Variants in RBBP5 observed in about 807,000 individuals in gnomAD.
RBBP5 encodes the protein RB binding protein 5, histone lysine methyltransferase complex subunit.
A neutral mutation model predicts 72.2 loss-of-function variants in RBBP5; 5 were observed. The observed-to-expected ratio is 0.07, with a 90% CI of 0.04 to 0.15. RBBP5 has a LOEUF of 0.15. Ranked by LOEUF, RBBP5 falls within the 10% of genes least tolerant of loss-of-function variation. RBBP5 has a pLI of 1.00. For synonymous variants in RBBP5, 209 were observed against 237.2 expected (o/e 0.88, Z 1.09); for missense variants, 322 against 652.2 (o/e 0.49, Z 5.51).
Position 205,101,670 on chromosome 1 carries a change from A to T in RBBP5, c.562T>A (p.Ser188Thr). Residue 188 changes from serine (S) to threonine (T), a missense_variant, in exon 6 of 14, where the codon TCC becomes ACC. By Grantham distance (58) the Ser-to-Thr change is moderately conservative. This residue lies in a region of RBBP5 where 161 missense variants were observed against 327.8 expected (regional missense o/e 0.49). Transcript: ENST00000264515. ...CTTGTTCCAGTTGTCACTCTGAAGGAAGCAACAAGATCCTGAGAATCTGTT... is the reference window on the plus strand; with the variant it reads ...CTTGTTCCAGTTGTCACTCTGAAGGTAGCAACAAGATCCTGAGAATCTGTT... ...LKTDSQDLVA[S>T]FRVTTGTSNT... is the part of the protein sequence containing the mutation. The T allele has an allele frequency of 6.2e-7, 1 of 1,613,602 alleles. No individual in the cohort carries two copies. Among genetic ancestry groups the T allele is most frequent in the Non-Finnish European group, 8.5e-7 (1 of 1,179,796 alleles).
chr1:205,104,052 T>C (rs1224247304), intron 4 of RBBP5, 33 bp from the exon 5 acceptor site: 3 of 1,592,374 alleles, frequency 1.9e-6, no homozygotes, highest in Non-Finnish European at 2.6e-6. Flanking sequence ...CATTGGCTGT[T>C]GCTTTGGTAT....
Position 205,100,142 on chromosome 1 carries a change from T to C in RBBP5, c.752+10A>G. On this transcript the variant is annotated intron_variant, in intron 7 of 13. Coordinates refer to ENST00000264515, the MANE Select transcript of RBBP5 (RefSeq NM_005057.4). The stretch of plus-strand genomic sequence containing the variant: ...AATGATCACATATTCTTCTAGGTTG[T>C]GATACATACCTATTCACCAAATCCT... The C allele has an allele frequency of 6.2e-7, 1 of 1,614,252 alleles. No individual in the cohort carries two copies. The highest frequency in any genetic ancestry group is 8.5e-7 in the Non-Finnish European group (1 of 1,180,046).
Position 205,097,181 on chromosome 1 carries a change from T to C in RBBP5, c.1166+145A>G, listed in dbSNP as rs139134743. Reference sequence around the variant, plus strand: ...ATAGGACTAGAGAAGAAAGGCTACATTGGATTTCTTGTACACCAAACGAGT... The same window carrying C: ...ATAGGACTAGAGAAGAAAGGCTACACTGGATTTCTTGTACACCAAACGAGT... On this transcript the variant is annotated intron_variant, in intron 11 of 13. Coordinates refer to ENST00000264515, the MANE Select transcript of RBBP5 (RefSeq NM_005057.4). 8.5e-5 allele frequency: 70 copies of C among 823,852 alleles called. No individual in the cohort carries two copies. The East Asian group carries it at 1.2e-3, about 14-fold the overall frequency. The allele number at this position is 823,852 out of a possible 1,614,324, so 51.0% of individuals were successfully genotyped here. A position where few individuals can be genotyped will look rare whatever the true frequency, so the allele number is the denominator to read the frequency against.
chr1:205,088,903 G>T, intron 13 of RBBP5, 88 bp from the exon 14 acceptor site: 1 of 1,227,818 alleles, frequency 8.1e-7, no homozygotes, highest in Non-Finnish European at 1.1e-6. Context: ...GCTGGATGAT[G>T]CATTACAAGC....
At chr1:205,118,627 A>AAAAAGAAAAG (rs577682047) in intron 1 of RBBP5, among the ~76,000 whole-genome samples, 2 of 152,058 alleles carry the variant, frequency 1.3e-5, no homozygotes, top group Non-Finnish European at 2.9e-5. Context: ...CCTCTAAAGA[A>AAAAAGAAAAG]AAAAGAAAAG....
chr1:205,107,013 C>CATAT (rs112577702), intron 3 of RBBP5, among the ~76,000 whole-genome samples: 94 of 150,796 alleles, frequency 6.2e-4, no homozygotes, highest in African/African-American at 2.0e-3. Flanking sequence ...TTACCATAGA[C>CATAT]ATATATATAT....
intron 13 of RBBP5, among the ~76,000 whole-genome samples, chr1:205,093,784 G>C (rs980981221): frequency 5.3e-5 from 8 of 151,890 alleles, no homozygotes; most frequent in Admixed American, 6.6e-5. Context: ...CTCTGTAAGA[G>C]AATTCATGTT....
At chr1:205,114,992 G>A (rs7515178) in intron 2 of RBBP5, 31 bp from the exon 3 acceptor site, 683,416 of 1,540,406 alleles carry the variant, frequency 0.44, 157,914 homozygotes, top group Non-Finnish European at 0.48. Context: ...AAGAATAGAG[G>A]CAACAATAGC....
Position 205,114,980 on chromosome 1 carries a change from A to T in RBBP5, c.46-19T>A. 1 of 1,571,428 alleles carries T rather than the reference A, an allele frequency of 6.4e-7. No homozygotes were observed. Among genetic ancestry groups the T allele is most frequent in the Admixed American group, 1.8e-5 (1 of 55,492 alleles). ...CAGCTTCCTAAAAATTGAAACAAAT[A>T]CAAGAATAGAGGCAACAATAGCCAG... On this transcript the variant is annotated intron_variant, in intron 2 of 13. Coordinates refer to ENST00000264515, the MANE Select transcript of RBBP5 (RefSeq NM_005057.4).
intron 3 of RBBP5, among the ~76,000 whole-genome samples, chr1:205,114,419 A>G (rs1422981217): frequency 1.3e-5 from 2 of 152,228 alleles, no homozygotes; most frequent in Admixed American, 1.3e-4. Flanking sequence ...GACCACTAAA[A>G]TTACTGGAAT....
At chr1:205,109,759 A>G (rs762015627) in intron 3 of RBBP5, among the ~76,000 whole-genome samples, 1 of 152,210 alleles carries the variant, frequency 6.6e-6, no homozygotes, top group Non-Finnish European at 1.5e-5. Context: ...ATTAGGAATT[A>G]TACTTTTTCA....
At chr1:205,116,557 G>A (rs112587548) in intron 1 of RBBP5, among the ~76,000 whole-genome samples, 15,408 of 152,216 alleles carry the variant, frequency 0.1, 1,433 homozygotes, top group African/African-American at 0.24. Flanking sequence ...GGTGGCTCAC[G>A]CCTGTAATCC....
intron 13 of RBBP5, among the ~76,000 whole-genome samples, chr1:205,093,181 C>T (rs750214229): frequency 1.3e-5 from 2 of 151,582 alleles, no homozygotes; most frequent in Non-Finnish European, 2.9e-5. Flanking sequence ...ACAAACATGC[C>T]GGGCGTGATA....
chr1:205,117,018 G>A (rs552587754), intron 1 of RBBP5, among the ~76,000 whole-genome samples: 1 of 150,740 alleles, frequency 6.6e-6, no homozygotes, highest in African/African-American at 2.4e-5. Context: ...GTTTTTTTGG[G>A]TTTTTTTTTG....
At chr1:205,111,121 T>C (rs941115594) in intron 3 of RBBP5, among the ~76,000 whole-genome samples, 15 of 152,214 alleles carry the variant, frequency 9.9e-5, no homozygotes, top group Non-Finnish European at 1.5e-5. Flanking sequence ...TTTTGTGATT[T>C]TAAAATATTA....
At position 205,095,387 on chromosome 1, in the gene RBBP5, T is replaced by A. The variant is rs55947437; in HGVS notation, c.1397-323A>T. ...CATTATGAGTTTTTTTTGCAATTTTTAAAAATCTCATCAGCTATCATTACT... is the reference window on the plus strand; with the variant it reads ...CATTATGAGTTTTTTTTGCAATTTTAAAAAATCTCATCAGCTATCATTACT... On this transcript the variant is annotated intron_variant, in intron 12 of 13. Transcript: ENST00000264515. Among the ~76,000 whole-genome samples the A allele has an allele frequency of 6.6e-5, 10 of 152,140 alleles. No individual in the cohort carries two copies. The East Asian group carries it at 1.4e-3, about 21-fold the overall frequency.
rs185696677 is a variant in RBBP5 at position 205,111,816 on chromosome 1, C to A, written c.218+2973G>T. Among the ~76,000 whole-genome samples, 164 of 152,214 alleles carry A rather than the reference C, an allele frequency of 1.1e-3. 1 individual carries two copies. The highest frequency in any genetic ancestry group is 3.7e-3 in the African/African-American group (154 of 41,536). On this transcript the variant is annotated intron_variant, in intron 3 of 13. Transcript: ENST00000264515. The stretch of plus-strand genomic sequence containing the variant: ...TACATATGAGCTAGGAATCAAATTC[C>A]TGAGTATGGCAGACGAGGTTCTCCA...
intron 13 of RBBP5, among the ~76,000 whole-genome samples, chr1:205,092,896 G>A (rs1371004230): frequency 6.6e-6 from 1 of 152,184 alleles, no homozygotes. Context: ...CTTTTGAAAA[G>A]CACATGATTA....
At chr1:205,112,336 T>C (rs1169886081) in intron 3 of RBBP5, among the ~76,000 whole-genome samples, 2 of 152,142 alleles carry the variant, frequency 1.3e-5, no homozygotes, top group East Asian at 1.9e-4. Flanking sequence ...TAAAATAAAA[T>C]ACAGTTATAA....
Sources: gnomAD v4.1 joint callset for allele counts (sites outside exome capture counted in the v4.1 genomes callset) on GRCh38, gnomAD v4.1.1 for gene constraint, gnomAD v4.1.1 regional missense constraint, MANE v1.5 for transcripts, NCBI Gene and HGNC (gene_info 2026-07-23, HGNC 2026-07-21) for gene names.